Variants in KBTBD11 observed in about 807,000 individuals in gnomAD.
KBTBD11 encodes the protein kelch repeat and BTB domain containing 11, also known as kelch repeat and BTB domain-containing protein 11.
For missense variants in KBTBD11, 1,390 were observed against 1,001.8 expected (o/e 1.39, Z -5.23); for synonymous variants, 747 against 499.0 (o/e 1.50, Z -6.63).
intron 1 of KBTBD11, among the ~76,000 whole-genome samples, chr8:1,986,436 A>G (rs1313189523): frequency 6.6e-6 from 1 of 152,236 alleles, no homozygotes; most frequent in Admixed American, 6.5e-5. Flanking sequence ...TAGAAAAGGC[A>G]GAGTTTGGGA....
chr8:1,999,006 T>G (rs1271130343), intron 1 of KBTBD11, among the ~76,000 whole-genome samples: 9 of 152,190 alleles, frequency 5.9e-5, no homozygotes, highest in Non-Finnish European at 1.3e-4. Flanking sequence ...GTGTCCTGCT[T>G]AGCTATTGTC....
At chr8:1,988,363 TC>T (rs1212903832) in intron 1 of KBTBD11, among the ~76,000 whole-genome samples, 1 of 152,178 alleles carries the variant, frequency 6.6e-6, no homozygotes, top group Non-Finnish European at 1.5e-5. Flanking sequence ...GTAAAAGCGT[TC>T]CTGTTTCTCC....
At chr8:1,978,591 G>A (rs1816430995) in intron 1 of KBTBD11, among the ~76,000 whole-genome samples, 1 of 152,184 alleles carries the variant, frequency 6.6e-6, no homozygotes, top group South Asian at 2.1e-4. Context: ...GGTGGAACCG[G>A]GTCACCTTTC....
In KBTBD11 at chr8:2,001,851, CGCAGCGCGCCACCGACGCCGT is replaced by C. The variant is rs780654910; in HGVS notation, c.661_681del (p.Gln221_Val227del). On this transcript the variant is annotated inframe_deletion, in exon 2 of 2. Transcript: ENST00000320248. ...CGCCGCCTGCAGCTGCCCGGCGCCG[CGCAGCGCGCCACCGACGCCGT>C]GGGGCCGCAGCTGAGCCTGGCCAAC... 8.0e-7 allele frequency: 1 copy of C among 1,256,022 alleles called. No homozygotes were observed. Among genetic ancestry groups the C allele is most frequent in the African/African-American group, 1.6e-5 (1 of 62,636 alleles). The allele number at this position is 1,256,022 out of a possible 1,614,324, so 77.8% of individuals were successfully genotyped here.
Position 2,001,323 on chromosome 8 carries a change from G to T in KBTBD11, c.131G>T (p.Ser44Ile), listed in dbSNP as rs1330275519. The T allele has an allele frequency of 4.0e-6, 6 of 1,517,914 alleles. No individual in the cohort carries two copies. Among genetic ancestry groups the T allele is most frequent in the Non-Finnish European group, 5.3e-6 (6 of 1,140,846 alleles). 94.0% of individuals were successfully genotyped at this position (1,517,914 alleles called of 1,614,324 possible). A position where few individuals can be genotyped will look rare whatever the true frequency, so the allele number is the denominator to read the frequency against. Residue 44 changes from serine to isoleucine, a missense_variant, in exon 2 of 2, where the codon AGC (serine) becomes ATC (isoleucine). By Grantham distance (142) the Ser-to-Ile change is moderately radical. Transcript: ENST00000320248. ...PCSLGASLCF[S>I]SGEESPPQSL... is the part of the protein sequence containing the mutation. ...AGTCTCGGCGCGTCCCTGTGCTTCA[G>T]CTCCGGGGAAGAGTCCCCGCCGCAG...
At chr8:1,994,792 C>CT (rs1430585441) in intron 1 of KBTBD11, among the ~76,000 whole-genome samples, 1 of 152,138 alleles carries the variant, frequency 6.6e-6, no homozygotes, top group Admixed American at 6.5e-5. Context: ...GGCGTGGTGG[C>CT]TGACGCCTGT....
intron 1 of KBTBD11, among the ~76,000 whole-genome samples, chr8:1,979,124 C>T (rs1816451188): frequency 6.6e-6 from 1 of 152,148 alleles, no homozygotes; most frequent in African/African-American, 2.4e-5. Flanking sequence ...ATTGAAGGAC[C>T]TGGCTCATCC....
At chr8:1,997,105 T>C (rs1036307699) in intron 1 of KBTBD11, among the ~76,000 whole-genome samples, 1 of 152,112 alleles carries the variant, frequency 6.6e-6, no homozygotes. Flanking sequence ...TTGTTGACGA[T>C]CACCCAGGGA....
At chr8:1,978,484 C>T (rs972792205) in intron 1 of KBTBD11, among the ~76,000 whole-genome samples, 19 of 152,190 alleles carry the variant, frequency 1.2e-4, no homozygotes, top group African/African-American at 2.4e-4. Flanking sequence ...ACTGTGTGAC[C>T]GTCCATGTAC....
chr8:2,001,253 G>C lies in KBTBD11; in HGVS notation c.61G>C (p.Glu21Gln), dbSNP rs1272860552. Residue 21 changes from glutamate (E) to glutamine (Q), a missense_variant, in exon 2 of 2, where the codon GAG (glutamate) becomes CAG (glutamine). Transcript: ENST00000320248. Reference sequence around the variant, plus strand: ...AGGGACTGAGCCCGGGGCTGCCGGGGAGAGCGAGAGCGAGGGCGCCGCGTC... The same window carrying C: ...AGGGACTGAGCCCGGGGCTGCCGGGCAGAGCGAGAGCGAGGGCGCCGCGTC... ...YPGTEPGAAG[E>Q]SESEGAASPA... 1 of 1,503,646 alleles carries C rather than the reference G, an allele frequency of 6.7e-7. No homozygotes were observed. Among genetic ancestry groups the C allele is most frequent in the Non-Finnish European group, 8.8e-7 (1 of 1,132,046 alleles). 93.1% of individuals were successfully genotyped at this position (1,503,646 alleles called of 1,614,324 possible). A position where few individuals can be genotyped will look rare whatever the true frequency, so the allele number is the denominator to read the frequency against.
chr8:1,975,757 A>T (rs1434450771), intron 1 of KBTBD11: 1 of 152,210 alleles, frequency 6.6e-6, no homozygotes, highest in Non-Finnish European at 1.5e-5. Flanking sequence ...GTGTTGACTG[A>T]TGTCTGGGCC....
rs145165835 is a variant in KBTBD11 at position 1,985,726 on chromosome 8, C to A, written c.-909+11791C>A. Among the ~76,000 whole-genome samples, 120 of 152,338 alleles carry A rather than the reference C, an allele frequency of 7.9e-4. 1 individual carries two copies. In the East Asian group the frequency reaches 0.022, roughly 28 times the overall value. ...GTGAATCTCAGCGCTTTGGGAGTCC[C>A]AGGCTGCAGTGAGCCATGATTGCAC... On this transcript the variant is annotated intron_variant, in intron 1 of 1. Transcript: ENST00000320248.
At chr8:1,999,028 C>T (rs1344225727) in intron 1 of KBTBD11, among the ~76,000 whole-genome samples, 2 of 152,200 alleles carry the variant, frequency 1.3e-5, no homozygotes, top group African/African-American at 2.4e-5. Context: ...GTGACCTACC[C>T]TGGGGATCAG....
At chr8:1,986,271 T>C (rs1816704189) in intron 1 of KBTBD11, among the ~76,000 whole-genome samples, 1 of 152,194 alleles carries the variant, frequency 6.6e-6, no homozygotes, top group African/African-American at 2.4e-5. Flanking sequence ...TATCCTACTT[T>C]TGAGAATCCT....
chr8:1,996,806 A>C (rs1434177036), intron 1 of KBTBD11, among the ~76,000 whole-genome samples: 1 of 152,214 alleles, frequency 6.6e-6, no homozygotes, highest in Non-Finnish European at 1.5e-5. Context: ...AATTTGTATT[A>C]ATCGTAAAGA....
chr8:1,993,556 CCCATCCATCCATCCAT>C (rs1184041692), intron 1 of KBTBD11, among the ~76,000 whole-genome samples: 2 of 73,664 alleles, frequency 2.7e-5, no homozygotes, highest in African/African-American at 1.1e-4. Context: ...CACCCACCCA[CCCATCCATCCATCCAT>C]CCATCCATCC....
chr8:2,003,154 G>T lies in KBTBD11; in HGVS notation c.*90G>T, dbSNP rs1386568522. The T allele has an allele frequency of 1.1e-5, 14 of 1,246,570 alleles. No individual in the cohort carries two copies. Among genetic ancestry groups the T allele is most frequent in the Non-Finnish European group, 1.4e-5 (14 of 988,270 alleles). 77.2% of individuals were successfully genotyped at this position (1,246,570 alleles called of 1,614,324 possible). On this transcript the variant is annotated 3_prime_UTR_variant, in exon 2 of 2. Coordinates refer to ENST00000320248, the MANE Select transcript of KBTBD11 (RefSeq NM_014867.3). ...GCGGAGGAGGACGTGGTGGGGAGTC[G>T]GGGCCGCTGGCCACGCTGGTGGTTT...
At chr8:1,976,263 C>T (rs1430798946) in intron 1 of KBTBD11, 4 of 151,774 alleles carry the variant, frequency 2.6e-5, no homozygotes, top group African/African-American at 7.3e-5. Context: ...AAGGGCTCAT[C>T]GTGTCAATTG....
intron 1 of KBTBD11, among the ~76,000 whole-genome samples, chr8:1,983,194 C>A (rs772464890): frequency 1.3e-5 from 2 of 152,238 alleles, no homozygotes; most frequent in Non-Finnish European, 2.9e-5. Flanking sequence ...TAGAACTTGG[C>A]AGCCTTGGGC....
Sources: gnomAD v4.1 joint callset for allele counts (sites outside exome capture counted in the v4.1 genomes callset) on GRCh38, gnomAD v4.1.1 for gene constraint, MANE v1.5 for transcripts, NCBI Gene and HGNC (gene_info 2026-07-23, HGNC 2026-07-21) for gene names.